ANKRD28: variants seen among roughly 807,000 people sequenced by gnomAD.
ANKRD28 encodes the protein ankyrin repeat domain 28.
A neutral mutation model predicts 126.5 loss-of-function variants in ANKRD28; 44 were observed. The observed-to-expected ratio is 0.35, with a 90% CI of 0.27 to 0.45. The LOEUF is 0.45. Among genes scored for constraint, ANKRD28 ranks in the 20% least tolerant of loss-of-function variants. The pLI is 1.00. For synonymous variants in ANKRD28, 442 were observed against 468.5 expected (o/e 0.94, Z 0.73); for missense variants, 1,110 against 1,316.6 (o/e 0.84, Z 2.43).
chr3:15,719,161 T>C (rs541259453), intron 8 of ANKRD28, among the ~76,000 whole-genome samples: 5 of 152,350 alleles, frequency 3.3e-5, no homozygotes, highest in African/African-American at 9.6e-5. Context: ...GGGTGTAGTA[T>C]GTATACATTT....
intron 3 of ANKRD28, among the ~76,000 whole-genome samples, chr3:15,762,205 AAAAAAAAACAAAAC>A (rs1559489049): frequency 3.8e-4 from 12 of 31,394 alleles, no homozygotes; most frequent in African/African-American, 7.5e-4. Flanking sequence ...AAAAAAAAAA[AAAAAAAAACAAAAC>A]AAAAAAAAAA....
chr3:15,820,612 C>T (rs2060923488), intron 1 of ANKRD28, among the ~76,000 whole-genome samples: 1 of 152,164 alleles, frequency 6.6e-6, no homozygotes, highest in African/African-American at 2.4e-5. Flanking sequence ...AGACATCTGA[C>T]ACACACACAA....
chr3:15,827,763 T>C (rs1559578599), intron 1 of ANKRD28, among the ~76,000 whole-genome samples: 1 of 152,140 alleles, frequency 6.6e-6, no homozygotes, highest in Non-Finnish European at 1.5e-5. Flanking sequence ...TTTAAAACTT[T>C]TATGCAGAGA....
chr3:15,739,909 C>CA (rs2075320111), intron 4 of ANKRD28, among the ~76,000 whole-genome samples: 1 of 152,206 alleles, frequency 6.6e-6, no homozygotes, highest in African/African-American at 2.4e-5. Context: ...TATCACTCCA[C>CA]AATTCCACAA....
chr3:15,696,818 AAT>A (rs1283845124), intron 14 of ANKRD28, among the ~76,000 whole-genome samples: 1 of 152,160 alleles, frequency 6.6e-6, no homozygotes, highest in Non-Finnish European at 1.5e-5. Flanking sequence ...GTGATAATAA[AAT>A]ATGAGGAAAA....
intron 18 of ANKRD28, among the ~76,000 whole-genome samples, chr3:15,686,742 A>G (rs1374251272): frequency 1.3e-5 from 2 of 152,226 alleles, no homozygotes; most frequent in South Asian, 2.1e-4. Flanking sequence ...TGAGATGCCG[A>G]TAAGTCTAGA....
intron 6 of ANKRD28, among the ~76,000 whole-genome samples, chr3:15,728,437 ATGC>A: frequency 6.6e-6 from 1 of 152,182 alleles, no homozygotes; most frequent in South Asian, 2.1e-4. Context: ...AGGACTACAG[ATGC>A]ATGCCACCAC....
intron 3 of ANKRD28, among the ~76,000 whole-genome samples, chr3:15,752,743 G>GTTCT (rs2057932868): frequency 6.6e-6 from 1 of 152,040 alleles, no homozygotes; most frequent in African/African-American, 2.4e-5. Flanking sequence ...CTAACGTTGG[G>GTTCT]GTCAACTATA....
chr3:15,684,119 G>A (rs1470217526), intron 21 of ANKRD28: 2 of 152,178 alleles, frequency 1.3e-5, no homozygotes, highest in African/African-American at 2.4e-5. Flanking sequence ...CCTGAAGCTT[G>A]AACTTTGACA....
intron 21 of ANKRD28, among the ~76,000 whole-genome samples, chr3:15,681,802 T>C (rs2067574417): frequency 6.6e-6 from 1 of 152,210 alleles, no homozygotes; most frequent in South Asian, 2.1e-4. Flanking sequence ...TTTTTGTTTA[T>C]CACAACTGAA....
Position 15,683,542 on chromosome 3 carries a change from G to A in ANKRD28, c.2389+1684C>T, listed in dbSNP as rs138481129. Among the ~76,000 whole-genome samples the A allele has an allele frequency of 9.9e-5, 15 of 152,252 alleles. No individual in the cohort carries two copies. The East Asian group carries it at 2.9e-3, about 29-fold the overall frequency. ...AGGATTTAAGGTAGTAAAAAACAAAGAGACTAAACTAGCTTGTTCAATGAG... is the reference window on the plus strand; with the variant it reads ...AGGATTTAAGGTAGTAAAAAACAAAAAGACTAAACTAGCTTGTTCAATGAG... On this transcript the variant is annotated intron_variant, in intron 21 of 27. Coordinates refer to ENST00000683139, the MANE Select transcript of ANKRD28 (RefSeq NM_001349278.2).
intron 9 of ANKRD28, among the ~76,000 whole-genome samples, chr3:15,714,083 T>A (rs938186353): frequency 1.3e-5 from 2 of 152,198 alleles, no homozygotes; most frequent in Non-Finnish European, 2.9e-5. Flanking sequence ...TTTCTTGGAA[T>A]ATGCCTTGGA....
chr3:15,792,853 T>A (rs753813572), intron 2 of ANKRD28, among the ~76,000 whole-genome samples: 1 of 151,902 alleles, frequency 6.6e-6, no homozygotes, highest in African/African-American at 2.4e-5. Context: ...TACCCACAAA[T>A]TTTTTTTAAA....
At chr3:15,799,741 G>T (rs892116062), upstream of ANKRD28, among the ~76,000 whole-genome samples, 1 of 151,852 alleles carries the variant, frequency 6.6e-6, no homozygotes, top group Non-Finnish European at 1.5e-5. Context: ...ACTTAAGCAG[G>T]TACATCCTGT....
At chr3:15,729,342 A>G (rs2074410132) in intron 6 of ANKRD28, among the ~76,000 whole-genome samples, 3 of 152,014 alleles carry the variant, frequency 2.0e-5, no homozygotes, top group South Asian at 4.1e-4. Context: ...TCTCCTCCCA[A>G]TCATTGCTAT....
intron 3 of ANKRD28, among the ~76,000 whole-genome samples, chr3:15,762,436 C>T (rs1358966153): frequency 6.6e-6 from 1 of 152,064 alleles, no homozygotes; most frequent in African/African-American, 2.4e-5. Context: ...CAGGAAGGTA[C>T]TTATATCATA....
At chr3:15,724,831 A>G (rs906079386) in intron 6 of ANKRD28, among the ~76,000 whole-genome samples, 2 of 152,122 alleles carry the variant, frequency 1.3e-5, no homozygotes, top group Non-Finnish European at 2.9e-5. Context: ...ATAAAAAAAA[A>G]TTAGCTGGGT....
chr3:15,747,766 T>G (rs2125321234), intron 4 of ANKRD28, among the ~76,000 whole-genome samples: 3 of 152,312 alleles, frequency 2.0e-5, no homozygotes, highest in African/African-American at 7.2e-5. Context: ...TCTGTTTTGA[T>G]GATCTGTCTA....
chr3:15,769,265 A>G (rs911038983), intron 2 of ANKRD28, among the ~76,000 whole-genome samples: 1 of 152,194 alleles, frequency 6.6e-6, no homozygotes, highest in Non-Finnish European at 1.5e-5. Flanking sequence ...TCTGCAAATC[A>G]ATTTGAAGAA....
Sources: allele counts gnomAD v4.1 joint callset (sites outside exome capture counted in the v4.1 genomes callset), GRCh38; gene constraint gnomAD v4.1.1; transcripts MANE v1.5; gene names NCBI Gene and HGNC (gene_info 2026-07-23, HGNC 2026-07-21).